GRM5: variants seen among roughly 807,000 people sequenced by gnomAD.
The protein encoded by GRM5 is glutamate metabotropic receptor 5.
A neutral mutation model predicts 83.1 loss-of-function variants in GRM5; 19 were observed. The observed-to-expected ratio is 0.23, with a 90% CI of 0.16 to 0.34. GRM5 has a LOEUF of 0.34. Among genes scored for constraint, GRM5 ranks in the 10% least tolerant of loss-of-function variants. The pLI, the probability that GRM5 is intolerant of heterozygous loss-of-function variation, is 1.00. For synonymous variants in GRM5, 675 were observed against 633.6 expected (o/e 1.07, Z -0.98); for missense variants, 1,160 against 1,588.3 (o/e 0.73, Z 4.58).
At chr11:88,826,449 T>C (rs1390352550) in intron 3 of GRM5, among the ~76,000 whole-genome samples, 2 of 151,206 alleles carry the variant, frequency 1.3e-5, no homozygotes, top group Admixed American at 6.6e-5. Context: ...AATAATTATA[T>C]ATATAATTAT....
chr11:88,766,941 T>G (rs1168888133), intron 3 of GRM5, among the ~76,000 whole-genome samples: 1 of 152,020 alleles, frequency 6.6e-6, no homozygotes, highest in Non-Finnish European at 1.5e-5. Context: ...AACTAGTATA[T>G]GAGAATATCC....
chr11:89,006,778 T>TTTTTG (rs1185014485), intron 2 of GRM5, among the ~76,000 whole-genome samples: 4 of 152,146 alleles, frequency 2.6e-5, no homozygotes, highest in African/African-American at 7.2e-5. Flanking sequence ...TTTCAAATCT[T>TTTTTG]TTTTGTTTTG....
intron 7 of GRM5, among the ~76,000 whole-genome samples, chr11:88,575,994 G>T (rs753037030): frequency 1.1e-4 from 16 of 152,048 alleles, no homozygotes; most frequent in African/African-American, 3.6e-4. Context: ...CATAAAGAAT[G>T]ATTTAATAGT....
intron 9 of GRM5, among the ~76,000 whole-genome samples, chr11:88,519,111 T>C (rs1941606682): frequency 6.6e-6 from 1 of 151,028 alleles, no homozygotes; most frequent in Admixed American, 6.6e-5. Context: ...TTTAGACACA[T>C]CAAGGAGGAA....
At chr11:88,609,584 G>GT (rs1938260527) in intron 4 of GRM5, among the ~76,000 whole-genome samples, 1 of 152,116 alleles carries the variant, frequency 6.6e-6, no homozygotes, top group African/African-American at 2.4e-5. Flanking sequence ...AAATGGGGTT[G>GT]TTTTTTGCCT....
intron 2 of GRM5, among the ~76,000 whole-genome samples, chr11:89,029,365 T>C (rs1293097013): frequency 2.6e-5 from 4 of 152,174 alleles, no homozygotes; most frequent in Non-Finnish European, 4.4e-5. Context: ...CTGTGATAAT[T>C]AGTGACATAA....
intron 9 of GRM5, chr11:88,524,053 G>A (rs1941782218): frequency 6.6e-6 from 1 of 152,028 alleles, no homozygotes; most frequent in African/African-American, 2.4e-5. Flanking sequence ...GATGGATTGA[G>A]AAATGTCACA....
intron 8 of GRM5, among the ~76,000 whole-genome samples, chr11:88,560,019 G>C (rs1259320792): frequency 6.6e-6 from 1 of 152,064 alleles, no homozygotes; most frequent in Non-Finnish European, 1.5e-5. Context: ...GATGGGGTAG[G>C]TGTATTTCAT....
chr11:88,967,586 C>T (rs368397241), intron 2 of GRM5, among the ~76,000 whole-genome samples: 6 of 152,026 alleles, frequency 3.9e-5, no homozygotes, highest in South Asian at 4.2e-4. Flanking sequence ...CCTGCAATAA[C>T]GGCATTAATC....
intron 3 of GRM5, among the ~76,000 whole-genome samples, chr11:88,756,730 A>C (rs1942401810): frequency 6.6e-6 from 1 of 152,154 alleles, no homozygotes; most frequent in Non-Finnish European, 1.5e-5. Flanking sequence ...AATGGAAATT[A>C]TTGAGTCTGA....
At position 88,653,216 on chromosome 11, in the gene GRM5, G is replaced by A. The variant is rs774289561; in HGVS notation, c.1099C>T (p.Leu367=). ...EFWQHRFQCR[L]EGFPQENSKY... ...CTGTTCTCCTGTGGAAACCCTTCCA[G>A]TCGGCACTGAAAACGATGCTGCCAA... The change falls in exon 4 of 10, where the codon CTG becomes TTG. Residue 367 remains leucine, a synonymous_variant. Coordinates refer to ENST00000305447, the MANE Select transcript of GRM5 (RefSeq NM_001143831.3). 60 of 1,612,556 alleles carry A rather than the reference G, an allele frequency of 3.7e-5. No homozygotes were observed. The highest frequency in any genetic ancestry group is 5.0e-5 in the Non-Finnish European group (59 of 1,179,024).
Position 88,549,776 on chromosome 11 carries a change from A to G in GRM5, c.2630+17277T>C, listed in dbSNP as rs559904292. On this transcript the variant is annotated intron_variant, in intron 8 of 9. Transcript: ENST00000305447. ...TCACTAAGGCTCTGTGAGCCATGTG[A>G]AAGAGTTTTAGATTTTTATATTCTA... 5.9e-5 allele frequency among the ~76,000 whole-genome samples: 9 copies of G among 152,204 alleles called. No individual in the cohort carries two copies. The East Asian group carries it at 1.7e-3, about 29-fold the overall frequency.
chr11:88,714,787 T>A (rs558362525), intron 3 of GRM5, among the ~76,000 whole-genome samples: 20 of 152,072 alleles, frequency 1.3e-4, no homozygotes, highest in African/African-American at 4.8e-4. Context: ...TCTGTGAAGA[T>A]GCAAACTGCT....
At chr11:88,924,414 T>C (rs1461374532) in intron 2 of GRM5, among the ~76,000 whole-genome samples, 2 of 152,054 alleles carry the variant, frequency 1.3e-5, no homozygotes, top group Non-Finnish European at 2.9e-5. Flanking sequence ...CAAGTGTCCA[T>C]CAGTGGATAA....
At chr11:88,707,216 T>C (rs1941182517) in intron 3 of GRM5, among the ~76,000 whole-genome samples, 1 of 152,152 alleles carries the variant, frequency 6.6e-6, no homozygotes, top group Non-Finnish European at 1.5e-5. Flanking sequence ...TTTCTTTATC[T>C]GTAAAATATT....
intron 3 of GRM5, among the ~76,000 whole-genome samples, chr11:88,788,995 T>C (rs1329496894): frequency 6.6e-6 from 1 of 152,186 alleles, no homozygotes; most frequent in Non-Finnish European, 1.5e-5. Flanking sequence ...TCTTGGGGAA[T>C]GTATTCTTAA....
chr11:88,953,844 CAT>C (rs1185835497), intron 2 of GRM5, among the ~76,000 whole-genome samples: 7 of 152,184 alleles, frequency 4.6e-5, no homozygotes, highest in Non-Finnish European at 8.8e-5. Context: ...CAGTCATTTT[CAT>C]ATGACTTTTG....
At chr11:88,643,902 C>T (rs184128547) in intron 4 of GRM5, among the ~76,000 whole-genome samples, 3 of 152,174 alleles carry the variant, frequency 2.0e-5, no homozygotes, top group Non-Finnish European at 4.4e-5. Context: ...GAAGTATCCT[C>T]TAACAACCCA....
chr11:88,740,467 C>T (rs1462739623), intron 3 of GRM5, among the ~76,000 whole-genome samples: 1 of 152,002 alleles, frequency 6.6e-6, no homozygotes, highest in African/African-American at 2.4e-5. Flanking sequence ...CAGTTGGGTA[C>T]TGTTCTCAGT....
Sources: allele counts gnomAD v4.1 joint callset (sites outside exome capture counted in the v4.1 genomes callset), GRCh38; gene constraint gnomAD v4.1.1; transcripts MANE v1.5; gene names NCBI Gene and HGNC (gene_info 2026-07-23, HGNC 2026-07-21).